Variants in EVL observed in about 807,000 individuals in gnomAD.
EVL encodes Enah/Vasp-like, also known as ena/VASP-like protein.
A neutral mutation model predicts 59.6 loss-of-function variants in EVL; 21 were observed. The ratio of observed to expected loss-of-function variants is 0.35; its 90% CI spans 0.25 to 0.51. EVL has a LOEUF of 0.51. EVL is among the 20% of genes least tolerant of loss of function. The pLI is 0.97. For synonymous variants in EVL, 198 were observed against 203.5 expected, an observed-to-expected ratio of 0.97 and a Z score of 0.23; for missense variants, 462 against 546.6, an observed-to-expected ratio of 0.85 and a Z score of 1.54.
At chr14:99,996,287 G>A (rs2060913578) in intron 1 of EVL, among the ~76,000 whole-genome samples, 1 of 152,058 alleles carries the variant, frequency 6.6e-6, no homozygotes, top group Non-Finnish European at 1.5e-5. Context: ...CTCTTAACTG[G>A]TTTCTGGATT....
chr14:100,039,734 A>G (rs1348868980), intron 1 of EVL, among the ~76,000 whole-genome samples: 1 of 150,520 alleles, frequency 6.6e-6, no homozygotes, highest in Non-Finnish European at 1.5e-5. Context: ...ATCTTCACCC[A>G]CTCTGTTCTC....
At chr14:100,128,459 C>T in intron 5 of EVL, 60 bp from the exon 6 acceptor site, 2 of 1,560,180 alleles carry the variant, frequency 1.3e-6, no homozygotes, top group East Asian at 4.5e-5. Flanking sequence ...GAGCTGAGAG[C>T]AGCAGGCTTG....
At chr14:100,112,452 G>A (rs1263263821) in intron 3 of EVL, among the ~76,000 whole-genome samples, 1 of 152,172 alleles carries the variant, frequency 6.6e-6, no homozygotes, top group Non-Finnish European at 1.5e-5. Flanking sequence ...AACTCTCTAG[G>A]ATTTTAGGCT....
intron 1 of EVL, among the ~76,000 whole-genome samples, chr14:100,071,131 C>T (rs1595129781): frequency 6.6e-6 from 1 of 152,100 alleles, no homozygotes; most frequent in Non-Finnish European, 1.5e-5. Context: ...AAAAGGCAAA[C>T]GTCTTGATTG....
chr14:100,089,685 C>T (rs2062522253), intron 2 of EVL, among the ~76,000 whole-genome samples: 1 of 152,200 alleles, frequency 6.6e-6, no homozygotes, highest in African/African-American at 2.4e-5. Flanking sequence ...TTTTGGGAGG[C>T]CAATGAGGGA....
intron 9 of EVL, among the ~76,000 whole-genome samples, chr14:100,136,428 T>G (rs1888790941): frequency 6.6e-6 from 1 of 152,224 alleles, no homozygotes. Context: ...GCCCCTTCCC[T>G]GGCTCAGGTT....
chr14:100,061,140 C>A (rs1240094813), upstream of EVL, among the ~76,000 whole-genome samples: 1 of 152,050 alleles, frequency 6.6e-6, no homozygotes, highest in African/African-American at 2.4e-5. Context: ...CCTGTAATCC[C>A]AGCCCTTTCG....
At chr14:100,061,403 CAAAAAAAAAAAAA>C (rs56656380), upstream of EVL, among the ~76,000 whole-genome samples, 10 of 19,096 alleles carry the variant, frequency 5.2e-4, no homozygotes, top group African/African-American at 7.9e-4. Flanking sequence ...GACCCTGTCT[CAAAAAAAAAAAAA>C]AAAAAAAAAA....
chr14:100,119,626 A>G (rs1887569856), intron 3 of EVL, among the ~76,000 whole-genome samples: 1 of 152,376 alleles, frequency 6.6e-6, no homozygotes, highest in Admixed American at 6.5e-5. Flanking sequence ...CAGAAAGATC[A>G]ACAGTGTGCT....
At chr14:100,073,503 G>C (rs1210671263) in intron 1 of EVL, among the ~76,000 whole-genome samples, 1 of 151,770 alleles carries the variant, frequency 6.6e-6, no homozygotes, top group East Asian at 1.9e-4. Context: ...TTTTTATTTT[G>C]TGTAGAGACA....
chr14:99,988,089 T>C (rs2060851053), intron 1 of EVL, among the ~76,000 whole-genome samples: 1 of 151,760 alleles, frequency 6.6e-6, no homozygotes, highest in South Asian at 2.1e-4. Flanking sequence ...TAATTTTGTA[T>C]TTTTTTAGTA....
chr14:100,077,259 C>T (rs2062183550), intron 1 of EVL, among the ~76,000 whole-genome samples: 1 of 152,030 alleles, frequency 6.6e-6, no homozygotes, highest in Non-Finnish European at 1.5e-5. Flanking sequence ...AGAGAAAGGG[C>T]CAGATCCAAA....
intron 2 of EVL, among the ~76,000 whole-genome samples, chr14:100,087,065 A>C (rs1245019191): frequency 6.6e-6 from 1 of 152,234 alleles, no homozygotes; most frequent in African/African-American, 2.4e-5. Context: ...TTATAACTAA[A>C]TAGGGATATC....
intron 1 of EVL, among the ~76,000 whole-genome samples, chr14:100,006,009 T>TCCC (rs58699616): frequency 2.4e-4 from 27 of 114,794 alleles, no homozygotes; most frequent in Non-Finnish European, 3.5e-4. Flanking sequence ...GCTGGCCATT[T>TCCC]CCCCCCCCCC....
chr14:100,100,504 G>A (rs202068609), intron 3 of EVL, among the ~76,000 whole-genome samples: 1 of 152,142 alleles, frequency 6.6e-6, no homozygotes, highest in Non-Finnish European at 1.5e-5. Context: ...GTGCCAGACC[G>A]AGAAAGAAAA....
intron 3 of EVL, among the ~76,000 whole-genome samples, chr14:100,098,781 T>C (rs1885994407): frequency 6.6e-6 from 1 of 152,206 alleles, no homozygotes; most frequent in African/African-American, 2.4e-5. Context: ...TTCTGACATA[T>C]GCTAGCAGAG....
At chr14:99,991,964 G>GTGTGTGTGTT (rs2060878494) in intron 1 of EVL, among the ~76,000 whole-genome samples, 1 of 115,268 alleles carries the variant, frequency 8.7e-6, no homozygotes, top group Non-Finnish European at 1.7e-5. Context: ...TCAACTCTGT[G>GTGTGTGTGTT]TGTGTGTGTG....
At chr14:100,071,144 C>T (rs1406826335) in intron 1 of EVL, among the ~76,000 whole-genome samples, 2 of 152,108 alleles carry the variant, frequency 1.3e-5, no homozygotes, top group Non-Finnish European at 2.9e-5. Context: ...CTTGATTGCC[C>T]ATGATGTGGG....
chr14:99,994,731 C>A (rs1265779500), intron 1 of EVL, among the ~76,000 whole-genome samples: 1 of 152,092 alleles, frequency 6.6e-6, no homozygotes, highest in East Asian at 1.9e-4. Context: ...TACATATTTA[C>A]CTTTACCAGG....
Sources: allele counts gnomAD v4.1 joint callset (sites outside exome capture counted in the v4.1 genomes callset), GRCh38; gene constraint gnomAD v4.1.1; transcripts MANE v1.5; gene names NCBI Gene and HGNC (gene_info 2026-07-23, HGNC 2026-07-21).